CELSR1: variants seen among roughly 807,000 people sequenced by gnomAD.
The protein encoded by CELSR1 is cadherin EGF LAG seven-pass G-type receptor 1, also known as adhesion G protein-coupled receptor C1.
CELSR1 carries 110 observed loss-of-function variants against 249.1 expected under a neutral mutation model. The ratio of observed to expected loss-of-function variants is 0.44; its 90% confidence interval spans 0.38 to 0.52. CELSR1 has a LOEUF of 0.52. Among genes scored for constraint, CELSR1 ranks in the 20% least tolerant of loss-of-function variants. The pLI is 0.00. For missense variants in CELSR1, 4,109 were observed against 4,296.4 expected (o/e 0.96, Z 1.22); for synonymous variants, 2,113 against 1,900.0 (o/e 1.11, Z -2.92).
chr22:46,477,809 G>T (rs550335595), intron 1 of CELSR1, among the ~76,000 whole-genome samples: 107 of 152,200 alleles, frequency 7.0e-4, no homozygotes, highest in South Asian at 2.1e-4. Context: ...CCTGGCCAAT[G>T]CTGTTTTAAG....
chr22:46,370,061 G>T (rs1260306528), intron 25 of CELSR1: 2 of 571,756 alleles, frequency 3.5e-6, no homozygotes, highest in African/African-American at 1.9e-5. Context: ...CTGGGCCGGG[G>T]GCTGCTGAGG....
intron 1 of CELSR1, among the ~76,000 whole-genome samples, chr22:46,487,352 AAC>A (rs1310494293): frequency 6.6e-6 from 1 of 150,502 alleles, no homozygotes; most frequent in African/African-American, 2.5e-5. Context: ...CTGCAACCTA[AAC>A]GCAAAGAAAC....
At chr22:46,478,841 C>A (rs2092353) in intron 1 of CELSR1, among the ~76,000 whole-genome samples, 97,753 of 151,566 alleles carry the variant, frequency 0.64, 32,263 homozygotes, top group East Asian at 0.85. Flanking sequence ...TGTGAGCCAC[C>A]GTGCCCAGCC....
At position 46,367,208 on chromosome 22, in the gene CELSR1, G is replaced by C. The variant is rs944599945; in HGVS notation, c.8080-90C>G. On this transcript the variant is annotated intron_variant, in intron 28 of 34. Transcript: ENST00000674500. ...CCAGCACAGATGCGCATACAGCCTT[G>C]AGTGCACACAACATGTCCGGCCACA... The C allele has an allele frequency of 2.0e-6, 3 of 1,486,866 alleles. No individual in the cohort carries two copies. In the Admixed American group the frequency reaches 6.1e-5, roughly 30 times the overall value. The allele number at this position is 1,486,866 out of a possible 1,614,324, so 92.1% of individuals were successfully genotyped here. A position where few individuals can be genotyped will look rare whatever the true frequency, so the allele number is the denominator to read the frequency against.
intron 5 of CELSR1, among the ~76,000 whole-genome samples, chr22:46,421,461 C>T (rs2079471521): frequency 6.6e-6 from 1 of 152,248 alleles, no homozygotes; most frequent in South Asian, 2.1e-4. Context: ...CAGGGTGGGG[C>T]GGCGCTTGCC....
chr22:46,507,410 C>A (rs561906723), intron 1 of CELSR1, among the ~76,000 whole-genome samples: 3 of 152,172 alleles, frequency 2.0e-5, no homozygotes, highest in East Asian at 1.9e-4. Flanking sequence ...AGGCAGGGGG[C>A]CCATGATGAC....
chr22:46,409,557 C>A lies in CELSR1; in HGVS notation c.5059+198G>T, dbSNP rs779939737. 7.2e-5 allele frequency among the ~76,000 whole-genome samples: 11 copies of A among 152,090 alleles called. No homozygotes were observed. The highest frequency in any genetic ancestry group is 2.2e-4 in the African/African-American group (9 of 41,410). The stretch of plus-strand genomic sequence containing the variant: ...CACCCCACACCTGAGGGACTGGGGA[C>A]CCCAGAAGCAGGAGCAGGGGCTCTG... On this transcript the variant is annotated intron_variant, in intron 8 of 34. Coordinates refer to ENST00000674500, the MANE Select transcript of CELSR1 (RefSeq NM_001378328.1). The surrounding 1 kb of genome is among the most constrained non-coding windows in gnomAD (Gnocchi z 9.8).
intron 1 of CELSR1, among the ~76,000 whole-genome samples, chr22:46,466,221 G>A (rs533274995): frequency 2.0e-5 from 3 of 152,300 alleles, no homozygotes; most frequent in East Asian, 1.9e-4. Flanking sequence ...GGTGGGAGAC[G>A]GCCTCAGAGA....
intron 1 of CELSR1, among the ~76,000 whole-genome samples, chr22:46,501,861 A>G (rs1052291238): frequency 7.2e-5 from 11 of 152,194 alleles, no homozygotes; most frequent in Non-Finnish European, 1.5e-5. Flanking sequence ...AGAGAAAACA[A>G]AGAAAAATCA....
intron 18 of CELSR1, among the ~76,000 whole-genome samples, chr22:46,387,934 G>A (rs1025492778): frequency 6.6e-6 from 1 of 152,152 alleles, no homozygotes; most frequent in Non-Finnish European, 1.5e-5. Flanking sequence ...CACTGAGGCC[G>A]CCGTGGACAT....
intron 22 of CELSR1, among the ~76,000 whole-genome samples, chr22:46,379,944 T>C (rs531972105): frequency 3.3e-5 from 5 of 152,290 alleles, no homozygotes; most frequent in African/African-American, 1.2e-4. Flanking sequence ...TTCCAGTGCC[T>C]TCTTCTAAAC....
In CELSR1 at chr22:46,391,797, A is replaced by G. The variant is rs6008794; in HGVS notation, c.5984T>C (p.Leu1995Pro). Residue 1995 changes from leucine to proline, a missense_variant, in exon 15 of 35, where the codon CTA becomes CCA. Physicochemically the swap from Leu to Pro is moderately conservative, Grantham distance 98. Around this residue, in one of 7 missense-constraint regions of CELSR1, gnomAD observed 1,805 missense variants for 1,831.6 expected, o/e 0.99. Transcript: ENST00000674500. The surrounding 1 kb of genome is among the most constrained non-coding windows in gnomAD (Gnocchi z 4.3). ...CQCKENYYKL[L>P]AQDTCLPCDC... ...GCAGGGCAGACAGGTGTCCTGGGCTAGGAGCTTGTAGTAATTCTCCTGCAA... is the reference window on the plus strand; with the variant it reads ...GCAGGGCAGACAGGTGTCCTGGGCTGGGAGCTTGTAGTAATTCTCCTGCAA... The G allele has an allele frequency of 0.18, 287,458 of 1,609,796 alleles. 36,607 individuals carry two copies. Among genetic ancestry groups the G allele is most frequent in the African/African-American group, 0.67 (49,964 of 74,676 alleles).
chr22:46,382,680 A>G (rs1178943501), intron 20 of CELSR1, among the ~76,000 whole-genome samples: 3 of 152,196 alleles, frequency 2.0e-5, no homozygotes, highest in African/African-American at 7.2e-5. Flanking sequence ...GATAAGCAAC[A>G]CGCGCTCCAT....
chr22:46,383,855 C>CA (rs1464513550), intron 20 of CELSR1, among the ~76,000 whole-genome samples: 2 of 151,996 alleles, frequency 1.3e-5, no homozygotes, highest in Admixed American at 1.3e-4. Flanking sequence ...CACTGCACAC[C>CA]AAAGACAACC....
chr22:46,421,464 C>T (rs980293742), intron 5 of CELSR1, among the ~76,000 whole-genome samples: 7 of 152,168 alleles, frequency 4.6e-5, no homozygotes, highest in African/African-American at 1.4e-4. Flanking sequence ...GGTGGGGCGG[C>T]GCTTGCCTCC....
rs2080869655 is a variant in CELSR1 at position 46,537,290 on chromosome 22, G to A, written c.-120C>T. On this transcript the variant is annotated 5_prime_UTR_variant, in exon 1 of 35. Transcript: ENST00000674500. This position sits in a 1 kb window ranked among gnomAD's most constrained non-coding sequence, Gnocchi z 5.8. ...GGGCGCCCGGCCCTCGGGGCGGTCCGCGTCCCGCCTCCCCGGGGGCCCTGG... is the reference window on the plus strand; with the variant it reads ...GGGCGCCCGGCCCTCGGGGCGGTCCACGTCCCGCCTCCCCGGGGGCCCTGG... 2.0e-6 allele frequency: 2 copies of A among 983,660 alleles called. No individual in the cohort carries two copies. The highest frequency in any genetic ancestry group is 9.3e-5 in the South Asian group (2 of 21,566). The allele number at this position is 983,660 out of a possible 1,614,324, so 60.9% of individuals were successfully genotyped here. A position where few individuals can be genotyped will look rare whatever the true frequency, so the allele number is the denominator to read the frequency against.
rs529879753 is a variant in CELSR1, at chr22:46,361,657, C to T, written c.*1566G>A. 4.6e-5 allele frequency: 7 copies of T among 152,338 alleles called. No individual in the cohort carries two copies. Among genetic ancestry groups the T allele is most frequent in the Non-Finnish European group, 5.9e-5 (4 of 68,046 alleles). The allele number at this position is 152,338 out of a possible 1,614,324, so 9.4% of individuals were successfully genotyped here. A position where few individuals can be genotyped will look rare whatever the true frequency, so the allele number is the denominator to read the frequency against. On this transcript the variant is annotated 3_prime_UTR_variant, in exon 35 of 35. Coordinates refer to ENST00000674500, the MANE Select transcript of CELSR1 (RefSeq NM_001378328.1). Reference sequence around the variant, plus strand: ...TCCTGTCCTGGACCATTTTCAGATACGCTTTTCCTCTCCCATAGGCATCTG... The same window carrying T: ...TCCTGTCCTGGACCATTTTCAGATATGCTTTTCCTCTCCCATAGGCATCTG...
At chr22:46,508,278 G>A (rs550451459) in intron 1 of CELSR1, among the ~76,000 whole-genome samples, 4 of 148,088 alleles carry the variant, frequency 2.7e-5, no homozygotes, top group Admixed American at 6.7e-5. Flanking sequence ...AGCCCTGCTC[G>A]TCCACACACC....
At chr22:46,456,639 G>A (rs1280975425) in intron 2 of CELSR1, among the ~76,000 whole-genome samples, 1 of 142,464 alleles carries the variant, frequency 7.0e-6, no homozygotes, top group African/African-American at 2.6e-5. Context: ...CTTCAGCCTG[G>A]GCGACAGAGC....
Sources: allele counts gnomAD v4.1 joint callset (sites outside exome capture counted in the v4.1 genomes callset), GRCh38; gene constraint gnomAD v4.1.1; regional missense constraint gnomAD v4.1.1; non-coding constraint Gnocchi (gnomAD v3.1); transcripts MANE v1.5; gene names NCBI Gene and HGNC (gene_info 2026-07-23, HGNC 2026-07-21).